Variants in COQ9 observed in about 807,000 individuals in gnomAD.
COQ9 encodes the protein coenzyme Q9.
COQ9 carries 35 observed loss-of-function variants against 42.4 expected under a neutral mutation model. The observed-to-expected ratio is 0.83, with a 90% CI of 0.63 to 1.10. COQ9 has a LOEUF of 1.10. Ranked by LOEUF, COQ9 falls within the 50% of genes least tolerant of loss-of-function variation. The pLI, the probability that COQ9 is intolerant of heterozygous loss-of-function variation, is 0.00. For missense variants in COQ9, 406 were observed against 414.6 expected (o/e 0.98, Z 0.18); for synonymous variants, 155 against 155.1 (o/e 1.00, Z 0.00).
rs371431812 is a variant in COQ9, at chr16:57,458,364, G to A, written c.711+14G>A. Reference sequence around the variant, plus strand: ...CAGTCCACTGATGTGAGTGCTTTCTGCAGGCCCACAGGAGGCTGGGAAAGG... The same window carrying A: ...CAGTCCACTGATGTGAGTGCTTTCTACAGGCCCACAGGAGGCTGGGAAAGG... On this transcript the variant is annotated intron_variant, in intron 6 of 8. Transcript: ENST00000262507. 2.2e-5 allele frequency: 34 copies of A among 1,570,832 alleles called. No homozygotes were observed. The highest frequency in any genetic ancestry group is 2.9e-5 in the Non-Finnish European group (33 of 1,143,276).
intron 3 of COQ9, 181 bp downstream of exon 3, chr16:57,453,117 C>T: frequency 1.4e-6 from 1 of 738,154 alleles, no homozygotes; most frequent in South Asian, 1.6e-5. Context: ...TTATAAAGAA[C>T]ATACCATGGA....
At chr16:57,460,163 A>C (rs2030502452) in intron 8 of COQ9, 59 bp downstream of exon 8, 8 of 1,519,566 alleles carry the variant, frequency 5.3e-6, no homozygotes, top group Non-Finnish European at 7.3e-6. Context: ...TCTGTGATAC[A>C]TGTGTTACTG....
intron 5 of COQ9, 121 bp downstream of exon 5, chr16:57,457,136 C>A (rs1448067822): frequency 1.2e-6 from 1 of 803,828 alleles, no homozygotes; most frequent in South Asian, 1.4e-5. Context: ...CTCTATAAAC[C>A]CGACAATACT....
At chr16:57,450,914 A>G in intron 1 of COQ9, 126 bp from the exon 2 acceptor site, 2 of 1,062,014 alleles carry the variant, frequency 1.9e-6, no homozygotes, top group Non-Finnish European at 2.8e-6. Context: ...GTGGGACCCA[A>G]CACTTGGATA....
chr16:57,459,761 C>G, intron 7 of COQ9, 41 bp downstream of exon 7: 2 of 1,606,426 alleles, frequency 1.2e-6, no homozygotes, highest in African/African-American at 1.3e-5. Context: ...CTTTAGAAGG[C>G]ATACCTATTC....
At chr16:57,455,535 G>A (rs150773738) in intron 3 of COQ9, among the ~76,000 whole-genome samples, 15 of 151,908 alleles carry the variant, frequency 9.9e-5, no homozygotes, top group Admixed American at 6.6e-5. Context: ...AGGATGGGCC[G>A]TCAAAGTCTA....
intron 8 of COQ9, 58 bp from the exon 9 acceptor site, chr16:57,460,531 T>G (rs1338827095): frequency 6.6e-7 from 1 of 1,525,924 alleles, no homozygotes; most frequent in African/African-American, 1.4e-5. Flanking sequence ...TCTTTTCTAT[T>G]AGAGTCTAGA....
At chr16:57,458,151 A>G in intron 5 of COQ9, 95 bp from the exon 6 acceptor site, 1 of 896,400 alleles carries the variant, frequency 1.1e-6, no homozygotes, top group Non-Finnish European at 1.8e-6. Flanking sequence ...AGAGCTTGGC[A>G]GGCCCCCTCA....
In COQ9 at chr16:57,447,548, T is replaced by C. The variant is rs755749856; in HGVS notation, c.43T>C (p.Trp15Arg). ...AVSGALGRAGWRLLQLRCLPV... is the reference protein window; with the variant it reads ...AVSGALGRAGRRLLQLRCLPV... The stretch of plus-strand genomic sequence containing the variant: ...ATCTGGTGCGCTTGGCCGGGCGGGC[T>C]GGAGGCTCCTGCAGCTGCGATGCCT... Residue 15 changes from tryptophan (W) to arginine (R), a missense_variant, in exon 1 of 9, where the codon TGG (tryptophan) becomes CGG (arginine). Transcript: ENST00000262507. 2 of 1,297,378 alleles carry C rather than the reference T, an allele frequency of 1.5e-6. No individual in the cohort carries two copies. The highest frequency in any genetic ancestry group is 2.0e-6 in the Non-Finnish European group (2 of 1,017,202). The allele number at this position is 1,297,378 out of a possible 1,614,324, so 80.4% of individuals were successfully genotyped here.
intron 5 of COQ9, 70 bp downstream of exon 5, chr16:57,457,085 T>A (rs1185999636): frequency 8.4e-7 from 1 of 1,188,364 alleles, no homozygotes; most frequent in African/African-American, 1.5e-5. Context: ...CACCTTTCAC[T>A]CAGATGACTT....
chr16:57,459,776 C>G (rs1375105423), intron 7 of COQ9, 56 bp downstream of exon 7: 2 of 1,590,240 alleles, frequency 1.3e-6, no homozygotes, highest in African/African-American at 2.7e-5. Context: ...CTATTCTCCT[C>G]AGGTCACAGC....
In COQ9 at chr16:57,456,936, G is replaced by C. The variant is rs1248595831; in HGVS notation, c.527G>C (p.Arg176Thr). 1 of 1,613,806 alleles carries C rather than the reference G, an allele frequency of 6.2e-7. No homozygotes were observed. Among genetic ancestry groups the C allele is most frequent in the Non-Finnish European group, 8.5e-7 (1 of 1,179,694 alleles). The part of the protein sequence containing the change: ...KLVQLGQAEK[R>T]KTDQFLRDAV... ...TTTTCTTTTCCCTCTTCCAGGAAGA[G>C]GAAGACAGACCAGTTCCTGAGGGAT... Residue 176 changes from arginine to threonine, a missense_variant, in exon 5 of 9, where the codon AGG (arginine) becomes ACG (threonine). Transcript: ENST00000262507.
chr16:57,460,178 C>G, intron 8 of COQ9, 74 bp downstream of exon 8: 18 of 1,442,632 alleles, frequency 1.2e-5, no homozygotes, highest in Non-Finnish European at 1.7e-5. Context: ...TTACTGACTT[C>G]ACATCATTTT....
At position 57,447,519 on chromosome 16, in the gene COQ9, C is replaced by G. The variant is rs866898130; in HGVS notation, c.14C>G (p.Ala5Gly). The change falls in exon 1 of 9, where the codon GCG becomes GGG. Residue 5 changes from alanine to glycine, a missense_variant. Transcript: ENST00000262507. MAAA[A>G]VSGALGRAGW... ...CCCGCTTCCAAAATGGCGGCGGCGG[C>G]GGTATCTGGTGCGCTTGGCCGGGCG... 7 of 1,305,456 alleles carry G rather than the reference C, an allele frequency of 5.4e-6. No homozygotes were observed. The highest frequency in any genetic ancestry group is 6.9e-6 in the Non-Finnish European group (7 of 1,021,104). The allele number at this position is 1,305,456 out of a possible 1,614,324, so 80.9% of individuals were successfully genotyped here. A position where few individuals can be genotyped will look rare whatever the true frequency, so the allele number is the denominator to read the frequency against.
chr16:57,448,979 A>G (rs1217422965), intron 1 of COQ9, among the ~76,000 whole-genome samples: 5 of 152,216 alleles, frequency 3.3e-5, no homozygotes, highest in Admixed American at 3.3e-4. Context: ...AGTGATAAGG[A>G]CCATTTTTAA....
In COQ9 at chr16:57,459,730, G is replaced by A. The variant is rs746182554; in HGVS notation, c.867+10G>A. On this transcript the variant is annotated intron_variant, in intron 7 of 8. Transcript: ENST00000262507. ...CCACACTGCCAAGCAGGTAGGTGGG[G>A]ACTAGCCATTGGGGAACCCTCTTTA... 1.9e-6 allele frequency: 3 copies of A among 1,613,886 alleles called. No individual in the cohort carries two copies. The highest frequency in any genetic ancestry group is 1.7e-5 in the Admixed American group (1 of 60,008).
At position 57,456,509 on chromosome 16, in the gene COQ9, G is replaced by A. The variant is rs1164593918; in HGVS notation, c.384G>A (p.Leu128=). ...AEAIAEGAQS[L]GLSSAAASMF... is the part of the protein sequence containing the mutation. ...TTCTGTCTCCCCTTTTGTAGTCTCT[G>A]GGTCTCTCCAGTGCAGCAGCCAGCA... Residue 128 remains leucine, a synonymous_variant, in exon 4 of 9, where the codon CTG becomes CTA. Transcript: ENST00000262507. 4 of 1,614,132 alleles carry A rather than the reference G, an allele frequency of 2.5e-6. No individual in the cohort carries two copies. Among genetic ancestry groups the A allele is most frequent in the Non-Finnish European group, 1.7e-6 (2 of 1,180,018 alleles).
rs77838762 is a variant in COQ9, at chr16:57,456,231, G to C, written c.379-273G>C. Among the ~76,000 whole-genome samples, 2,578 of 152,216 alleles carry C rather than the reference G, an allele frequency of 0.017. 25 individuals carry two copies. The highest frequency in any genetic ancestry group is 0.034 in the Middle Eastern group (10 of 294). On this transcript the variant is annotated intron_variant, in intron 3 of 8. Transcript: ENST00000262507. ...GTTGGAGAAAGCAGCTGCAGGCTTA[G>C]TTTCTAAAAAAGAAAGAAGACCTGT...
intron 1 of COQ9, among the ~76,000 whole-genome samples, chr16:57,449,329 C>T (rs2030226102): frequency 6.6e-6 from 1 of 152,066 alleles, no homozygotes; most frequent in African/African-American, 2.4e-5. Flanking sequence ...AGGGATGTGG[C>T]CCTGAGTGAT....
Sources: gnomAD v4.1 joint callset for allele counts (sites outside exome capture counted in the v4.1 genomes callset) on GRCh38, gnomAD v4.1.1 for gene constraint, MANE v1.5 for transcripts, NCBI Gene and HGNC (gene_info 2026-07-23, HGNC 2026-07-21) for gene names.